The following NME7 variants were observed in gnomAD, a reference collection of about 807,000 sequenced individuals.
The protein encoded by NME7 is nucleoside diphosphate kinase 7.
Under a neutral mutation model 49.1 loss-of-function variants are expected in NME7, and 41 were observed. The observed-to-expected ratio is 0.83, with a 90% CI of 0.65 to 1.08. The LOEUF (loss-of-function observed/expected upper bound fraction) is 1.08, where lower values mean the gene tolerates loss of function less well. Ranked by LOEUF, NME7 falls within the 50% of genes least tolerant of loss-of-function variation. The pLI, the probability that NME7 is intolerant of heterozygous loss-of-function variation, is 0.00. For synonymous variants in NME7, 139 were observed against 150.6 expected (o/e 0.92, Z 0.56); for missense variants, 423 against 463.4 (o/e 0.91, Z 0.80).
chr1:169,341,221 C>T (rs1652685903), intron 1 of NME7, among the ~76,000 whole-genome samples: 1 of 152,196 alleles, frequency 6.6e-6, no homozygotes, highest in African/African-American at 2.4e-5. Context: ...GTCTCAGTCA[C>T]TCCAGCTCAA....
chr1:169,304,632 C>T (rs1651102708), intron 4 of NME7, among the ~76,000 whole-genome samples: 1 of 152,050 alleles, frequency 6.6e-6, no homozygotes. Context: ...TATATTTATT[C>T]CTTACAACAA....
chr1:169,157,134 T>C (rs1332207100), intron 11 of NME7, among the ~76,000 whole-genome samples: 1 of 152,166 alleles, frequency 6.6e-6, no homozygotes. Flanking sequence ...AATGGTGAGA[T>C]GTGGTACTTG....
In NME7 at chr1:169,367,768, C is replaced by T. The variant is rs896127786; in HGVS notation, c.-58G>A. The T allele has an allele frequency of 6.2e-6, 10 of 1,608,590 alleles. No individual in the cohort carries two copies. The African/African-American group carries it at 1.2e-4, about 19-fold the overall frequency. ...TCGTTGAGACAGGAAGACACCACCA[C>T]CACCACCATCATACGGTTACTCAGG... is the stretch of plus-strand genomic sequence containing the variant. On this transcript the variant is annotated 5_prime_UTR_variant, in exon 1 of 12. It adds an upstream start codon to the 5' untranslated region. Coordinates refer to ENST00000367811, the MANE Select transcript of NME7 (RefSeq NM_013330.5).
chr1:169,231,789 T>C lies in NME7; in HGVS notation c.889-970A>G, dbSNP rs146331441. 1.1e-3 allele frequency among the ~76,000 whole-genome samples: 172 copies of C among 152,256 alleles called. 2 individuals carry two copies. In the East Asian group the frequency reaches 0.027, roughly 24 times the overall value. ...CAGTTGGCCTAAATTAGCCCTAGAT[T>C]GTAAGATGCTCTATACCCATCCTAC... On this transcript the variant is annotated intron_variant, in intron 9 of 11. Coordinates refer to ENST00000367811, the MANE Select transcript of NME7 (RefSeq NM_013330.5).
At position 169,331,938 on chromosome 1, in the gene NME7, G is replaced by A. The variant is rs150531535; in HGVS notation, c.4-7438C>T. Among the ~76,000 whole-genome samples, 1,072 of 151,900 alleles carry A rather than the reference G, an allele frequency of 7.1e-3. 6 individuals carry two copies. Among genetic ancestry groups the A allele is most frequent in the Middle Eastern group, 0.014 (4 of 294 alleles). ...CAATCCCTATCAAAATACCAATGTC[G>A]TTCTTCAAAGAATAGAAATAGAAAA... On this transcript the variant is annotated intron_variant, in intron 1 of 11. Coordinates refer to ENST00000367811, the MANE Select transcript of NME7 (RefSeq NM_013330.5).
rs944331492 is a variant in NME7 at position 169,138,281 on chromosome 1, A to G, written c.1099-5464T>C. Among the ~76,000 whole-genome samples the G allele has an allele frequency of 2.6e-5, 4 of 152,110 alleles. No homozygotes were observed. In the East Asian group the frequency reaches 5.8e-4, roughly 22 times the overall value. On this transcript the variant is annotated intron_variant, in intron 11 of 11. Transcript: ENST00000367811. ...AGCTGAGATTGTGCCACTGCACTCC[A>G]ACCTGGGTGACAGGGCGAGACTCCT... is the stretch of plus-strand genomic sequence containing the variant.
intron 11 of NME7, among the ~76,000 whole-genome samples, chr1:169,167,923 G>A (rs1245821999): frequency 6.6e-6 from 1 of 152,202 alleles, no homozygotes; most frequent in East Asian, 1.9e-4. Context: ...AGCAGGGCAG[G>A]AAAGGGCTCC....
intron 7 of NME7, among the ~76,000 whole-genome samples, chr1:169,252,833 G>C (rs1430061034): frequency 6.7e-6 from 1 of 148,216 alleles, no homozygotes; most frequent in Non-Finnish European, 1.5e-5. Context: ...TTTCCCCATT[G>C]CTTGTTTTTC....
At chr1:169,251,773 A>G (rs1164577359) in intron 7 of NME7, among the ~76,000 whole-genome samples, 3 of 141,362 alleles carry the variant, frequency 2.1e-5, no homozygotes, top group Non-Finnish European at 3.0e-5. Context: ...ATGTGATCTC[A>G]TTGTTCAATT....
rs1020210137 is a variant in NME7, at chr1:169,159,448, A to G, written c.1098+9999T>C. On this transcript the variant is annotated intron_variant, in intron 11 of 11. Coordinates refer to ENST00000367811, the MANE Select transcript of NME7 (RefSeq NM_013330.5). ...TTAAGGTCTCTATTTACTAGTGACC[A>G]GAAAATTAATTATTAATTTGTCACA... Among the ~76,000 whole-genome samples, 63 of 151,968 alleles carry G rather than the reference A, an allele frequency of 4.1e-4. 2 individuals are homozygous for G. Among genetic ancestry groups the G allele is most frequent in the Non-Finnish European group, 2.9e-5 (2 of 68,034 alleles).
chr1:169,147,839 T>C (rs1390877737), intron 11 of NME7, among the ~76,000 whole-genome samples: 1 of 152,214 alleles, frequency 6.6e-6, no homozygotes, highest in Non-Finnish European at 1.5e-5. Context: ...TGTTGTCTTA[T>C]TGCTATCTTT....
At chr1:169,269,086 A>T (rs1649408799) in intron 7 of NME7, among the ~76,000 whole-genome samples, 1 of 133,686 alleles carries the variant, frequency 7.5e-6, no homozygotes, top group African/African-American at 2.5e-5. Context: ...AGGGCCATTA[A>T]ATGCAATCCT....
chr1:169,329,574 T>G (rs1483705219), intron 1 of NME7, among the ~76,000 whole-genome samples: 1 of 151,300 alleles, frequency 6.6e-6, no homozygotes, highest in African/African-American at 2.4e-5. Context: ...GGCATCAGAG[T>G]CCTTTAATGG....
chr1:169,150,001 T>C (rs1172583054), intron 11 of NME7, among the ~76,000 whole-genome samples: 1 of 152,148 alleles, frequency 6.6e-6, no homozygotes, highest in Non-Finnish European at 1.5e-5. Flanking sequence ...TCACTTCCAT[T>C]CAATTATAAA....
At chr1:169,205,748 G>A (rs1287582903) in intron 10 of NME7, among the ~76,000 whole-genome samples, 1 of 152,098 alleles carries the variant, frequency 6.6e-6, no homozygotes, top group Non-Finnish European at 1.5e-5. Flanking sequence ...AACATGTTAG[G>A]TTATGTTGGT....
chr1:169,336,856 T>A (rs1006298750), intron 1 of NME7, among the ~76,000 whole-genome samples: 15 of 151,870 alleles, frequency 9.9e-5, no homozygotes, highest in African/African-American at 3.6e-4. Flanking sequence ...TGTCGATTGG[T>A]GCACTCACAA....
At chr1:169,321,766 G>A (rs1651858728) in intron 3 of NME7, among the ~76,000 whole-genome samples, 2 of 152,300 alleles carry the variant, frequency 1.3e-5, no homozygotes, top group South Asian at 4.1e-4. Context: ...ATTACTATAA[G>A]AGTGACTCAG....
chr1:169,143,644 C>T (rs1212900554), intron 11 of NME7, among the ~76,000 whole-genome samples: 1 of 152,160 alleles, frequency 6.6e-6, no homozygotes, highest in African/African-American at 2.4e-5. Context: ...TTACTGTCTC[C>T]TCAGTGCTTA....
At chr1:169,282,886 T>A (rs1477496697) in intron 7 of NME7, among the ~76,000 whole-genome samples, 1 of 152,178 alleles carries the variant, frequency 6.6e-6, no homozygotes, top group African/African-American at 2.4e-5. Flanking sequence ...AATTTTAGAA[T>A]AAGTGTGATG....
Sources: gnomAD v4.1 joint callset for allele counts (sites outside exome capture counted in the v4.1 genomes callset) on GRCh38, gnomAD v4.1.1 for gene constraint, MANE v1.5 for transcripts, NCBI Gene and HGNC (gene_info 2026-07-23, HGNC 2026-07-21) for gene names.